ASPSCR1: variants seen among roughly 807,000 people sequenced by gnomAD.
ASPSCR1 encodes the protein ASPSCR1 tether for SLC2A4, UBX domain containing.
In ASPSCR1, 55 loss-of-function variants were observed where a neutral mutation model predicts 68.9. The ratio of observed to expected loss-of-function variants is 0.80; its 90% CI spans 0.64 to 1.00. The LOEUF is 1.00. ASPSCR1 is among the 50% of genes least tolerant of loss of function. The pLI, the probability that ASPSCR1 is intolerant of heterozygous loss-of-function variation, is 0.00. For missense variants in ASPSCR1, 765 were observed against 762.2 expected (o/e 1.00, Z -0.04); for synonymous variants, 352 against 332.6 (o/e 1.06, Z -0.63).
Position 81,997,341 on chromosome 17 carries a change from C to A in ASPSCR1, c.933+495C>A, listed in dbSNP as rs563244866. ...GAAATCTCTAGAAAAGGGGTGGTAACTTCCGGGTTATGGCCAGGGAAGGGG... is the reference window on the plus strand; with the variant it reads ...GAAATCTCTAGAAAAGGGGTGGTAAATTCCGGGTTATGGCCAGGGAAGGGG... On this transcript the variant is annotated intron_variant, in intron 7 of 15. Coordinates refer to ENST00000306739, the MANE Select transcript of ASPSCR1 (RefSeq NM_024083.4). 5.3e-4 allele frequency among the ~76,000 whole-genome samples: 80 copies of A among 152,228 alleles called. 1 individual carries two copies. Among genetic ancestry groups the A allele is most frequent in the African/African-American group, 1.9e-3 (78 of 41,540 alleles).
chr17:82,015,388 G>A, intron 12 of ASPSCR1: 1 of 1,581,842 alleles, frequency 6.3e-7, no homozygotes, highest in Non-Finnish European at 8.6e-7. Flanking sequence ...TCCCTGCACA[G>A]AGGCGCAGAC....
intron 5 of ASPSCR1, among the ~76,000 whole-genome samples, chr17:81,995,760 G>C (rs972405288): frequency 6.6e-6 from 1 of 152,234 alleles, no homozygotes; most frequent in Non-Finnish European, 1.5e-5. Context: ...AGACCAGGCT[G>C]GGGGAGACAC....
intron 3 of ASPSCR1, among the ~76,000 whole-genome samples, chr17:81,984,850 C>T (rs1478868676): frequency 7.3e-6 from 1 of 136,682 alleles, no homozygotes; most frequent in Non-Finnish European, 1.6e-5. Flanking sequence ...CCTGCACACA[C>T]CCCACACACA....
At position 82,016,789 on chromosome 17, in the gene ASPSCR1, C is replaced by T. The variant is rs767951354; in HGVS notation, c.1406-11C>T. The T allele has an allele frequency of 1.2e-6, 2 of 1,607,504 alleles. No individual in the cohort carries two copies. The highest frequency in any genetic ancestry group is 1.7e-5 in the Admixed American group (1 of 59,910). On this transcript the variant is annotated splice_polypyrimidine_tract_variant and intron_variant, in intron 13 of 15. Transcript: ENST00000306739. ...CTCAGAGGCTCAGGGTGAGCTTGGG[C>T]CTCCCTGCAGGTGTCTACCTGGAGC...
intron 2 of ASPSCR1, chr17:81,982,776 CTTT>C (rs1351997594): frequency 6.7e-6 from 1 of 149,616 alleles, no homozygotes; most frequent in East Asian, 2.0e-4. Context: ...TTCTCTTTTT[CTTT>C]TTCTTCCTTT....
chr17:82,012,437 C>T (rs530543528), intron 12 of ASPSCR1, among the ~76,000 whole-genome samples, 154 bp downstream of exon 12: 2 of 152,272 alleles, frequency 1.3e-5, no homozygotes, highest in African/African-American at 2.4e-5. Flanking sequence ...GGGGGCCGTG[C>T]GCCTCTGAAG....
At chr17:82,012,143 C>T (rs534922724) in intron 11 of ASPSCR1, 88 bp from the exon 12 acceptor site, 2 of 1,450,214 alleles carry the variant, frequency 1.4e-6, no homozygotes, top group African/African-American at 1.4e-5. Context: ...TGAGGCGTCA[C>T]CCCCATCTGC....
At chr17:81,980,844 G>A (rs1394170154) in intron 2 of ASPSCR1, among the ~76,000 whole-genome samples, 3 of 152,142 alleles carry the variant, frequency 2.0e-5, no homozygotes, top group Non-Finnish European at 4.4e-5. Flanking sequence ...AGCATGACCT[G>A]AGGGTGGAAT....
In ASPSCR1 at chr17:82,016,871, T is replaced by G. The variant is rs1224592479; in HGVS notation, c.1475+2T>G. On this transcript the variant is annotated splice_donor_variant, in intron 14 of 15. Transcript: ENST00000306739. LOFTEE classifies it high-confidence loss of function. Reference sequence around the variant, plus strand: ...TGCGGCCGATGTGCTGGTGGCCAGGTAAGTGCCGGTGGGTCTGGGGGCACC... The same window carrying G: ...TGCGGCCGATGTGCTGGTGGCCAGGGAAGTGCCGGTGGGTCTGGGGGCACC... 9.9e-6 allele frequency: 16 copies of G among 1,612,524 alleles called. No individual in the cohort carries two copies. Among genetic ancestry groups the G allele is most frequent in the Non-Finnish European group, 1.4e-5 (16 of 1,179,936 alleles).
rs945588272 is a variant in ASPSCR1, at chr17:81,983,195, C to T, written c.159-359C>T. Among the ~76,000 whole-genome samples the T allele has an allele frequency of 1.3e-5, 2 of 152,234 alleles. No individual in the cohort carries two copies. The highest frequency in any genetic ancestry group is 1.5e-5 in the Non-Finnish European group (1 of 68,044). ...GCCGTGACGGCCGGGGTCTGTGACA[C>T]TCCAGCTTCCGCGAGTGCAGCAGTG... On this transcript the variant is annotated intron_variant, in intron 2 of 15. Coordinates refer to ENST00000306739, the MANE Select transcript of ASPSCR1 (RefSeq NM_024083.4). This position sits in a 1 kb window ranked among gnomAD's most constrained non-coding sequence, Gnocchi z 4.4.
rs1388614121 is a variant in ASPSCR1, at chr17:81,985,489, A to G, written c.274-18A>G. 2 of 1,612,086 alleles carry G rather than the reference A, an allele frequency of 1.2e-6. No homozygotes were observed. The highest frequency in any genetic ancestry group is 1.1e-5 in the South Asian group (1 of 91,012). On this transcript the variant is annotated intron_variant, in intron 3 of 15. Coordinates refer to ENST00000306739, the MANE Select transcript of ASPSCR1 (RefSeq NM_024083.4). ...GCTTTTCTTCCTAAGGAAGTTTCTC[A>G]TGTCTTATACCCTCCAGGTTCGCAT...
chr17:81,997,978 C>T (rs1244516923), intron 7 of ASPSCR1, among the ~76,000 whole-genome samples: 3 of 151,980 alleles, frequency 2.0e-5, no homozygotes, highest in Admixed American at 2.0e-4. Flanking sequence ...AGGCGTGTGC[C>T]ACCACGCCCA....
chr17:81,996,014 G>T lies in ASPSCR1; in HGVS notation c.455G>T (p.Arg152Leu), dbSNP rs752066409. Residue 152 changes from arginine to leucine, a missense_variant, in exon 6 of 16, where the codon CGG becomes CTG. Transcript: ENST00000306739. ...RDEVTGEAALRGTTLQSLGLT... is the reference protein window; with the variant it reads ...RDEVTGEAALLGTTLQSLGLT... ...CAGGTGACGGGTGAAGCTGCCCTGC[G>T]GGGCACGACGCTGCAGTCGCTGGGC... 6.2e-7 allele frequency: 1 copy of T among 1,610,514 alleles called. No homozygotes were observed. Among genetic ancestry groups the T allele is most frequent in the South Asian group, 1.1e-5 (1 of 90,480 alleles).
chr17:81,981,098 G>A lies in ASPSCR1; in HGVS notation c.158+1859G>A, dbSNP rs139776731. Among the ~76,000 whole-genome samples, 34 of 152,346 alleles carry A rather than the reference G, an allele frequency of 2.2e-4. 1 individual carries two copies. In the East Asian group the frequency reaches 5.4e-3, roughly 24 times the overall value. ...CTGACTGTGCCAGAACCACTCCATG[G>A]TTGGTGGTTTCTTATCAGGAAATAC... On this transcript the variant is annotated intron_variant, in intron 2 of 15. Coordinates refer to ENST00000306739, the MANE Select transcript of ASPSCR1 (RefSeq NM_024083.4).
chr17:81,977,948 GGGGGC>G lies in ASPSCR1; in HGVS notation c.102+208_102+212del. ...CCCGGGGGTCCCGGGGGTCCCGAGT[GGGGGC>G]GGGGCGGTGGCGAGCCTTCCCAGGG... On this transcript the variant is annotated intron_variant, in intron 1 of 15. Coordinates refer to ENST00000306739, the MANE Select transcript of ASPSCR1 (RefSeq NM_024083.4). The surrounding 1 kb of genome is among the most constrained non-coding windows in gnomAD (Gnocchi z 5.0). 1 of 328,042 alleles carries G rather than the reference GGGGGC, an allele frequency of 3.0e-6. No individual in the cohort carries two copies. The highest frequency in any genetic ancestry group is 5.4e-6 in the Non-Finnish European group (1 of 186,102). The allele number at this position is 328,042 out of a possible 1,614,324, so 20.3% of individuals were successfully genotyped here.
intron 12 of ASPSCR1, chr17:82,015,451 T>G: frequency 7.0e-7 from 1 of 1,434,568 alleles, no homozygotes; most frequent in Non-Finnish European, 9.3e-7. Context: ...CCTCTCCTGG[T>G]GTTCCCGAGT....
intron 1 of ASPSCR1, 143 bp from the exon 2 acceptor site, chr17:81,979,041 C>G: frequency 1.3e-6 from 1 of 778,424 alleles, no homozygotes; most frequent in South Asian, 1.5e-5. Flanking sequence ...CGGGGACCGT[C>G]CATAGTGTGG....
intron 2 of ASPSCR1, among the ~76,000 whole-genome samples, chr17:81,980,744 A>G (rs2041768912): frequency 6.6e-6 from 1 of 152,230 alleles, no homozygotes; most frequent in Admixed American, 6.5e-5. Context: ...ACGCTGTAGG[A>G]GGATCATGAG....
rs747972818 is a variant in ASPSCR1, at chr17:82,009,097, C to T, written c.994C>T (p.Arg332Trp). ...GGTGTGCCACCCCGACCTGGAGGAGCGGCTGCAGGCCTGGCCAGCGGAGCT... is the reference window on the plus strand; with the variant it reads ...GGTGTGCCACCCCGACCTGGAGGAGTGGCTGCAGGCCTGGCCAGCGGAGCT... ...PVVCHPDLEE[R>W]LQAWPAELPD... The change falls in exon 8 of 16, where the codon CGG becomes TGG. Residue 332 changes from arginine to tryptophan, a missense_variant. Coordinates refer to ENST00000306739, the MANE Select transcript of ASPSCR1 (RefSeq NM_024083.4). The T allele has an allele frequency of 7.5e-5, 119 of 1,590,734 alleles. 1 individual carries two copies. The highest frequency in any genetic ancestry group is 5.0e-4 in the African/African-American group (37 of 74,558).
Sources: gnomAD v4.1 joint callset for allele counts (sites outside exome capture counted in the v4.1 genomes callset) on GRCh38, gnomAD v4.1.1 for gene constraint, Gnocchi (gnomAD v3.1) non-coding constraint, MANE v1.5 for transcripts, NCBI Gene and HGNC (gene_info 2026-07-23, HGNC 2026-07-21) for gene names.